The following SDK2 variants were observed in gnomAD, a reference collection of about 807,000 sequenced individuals.
SDK2 encodes the protein protein sidekick-2.
Under a neutral mutation model 253.9 loss-of-function variants are expected in SDK2, and 105 were observed. The observed-to-expected ratio is 0.41, with a 90% CI of 0.35 to 0.49. The LOEUF (loss-of-function observed/expected upper bound fraction) is 0.49, where lower values mean the gene tolerates loss of function less well. Among genes scored for constraint, SDK2 ranks in the 20% least tolerant of loss-of-function variants. The pLI is 0.06. For missense variants in SDK2, 2,608 were observed against 3,003.0 expected, an observed-to-expected ratio of 0.87 and a Z score of 3.07; for synonymous variants, 1,249 against 1,234.9, an observed-to-expected ratio of 1.01 and a Z score of -0.24.
chr17:73,598,290 C>T (rs756204993), intron 1 of SDK2, among the ~76,000 whole-genome samples: 3 of 152,148 alleles, frequency 2.0e-5, no homozygotes, highest in Non-Finnish European at 2.9e-5. Flanking sequence ...AGTTCCTAGA[C>T]GCTAACCCCC....
chr17:73,471,597 C>CAAAACA lies in SDK2; in HGVS notation c.331+509_331+514dup, dbSNP rs1282895053. ...TGGATGACAGAGTGAGACTCCAACT[C>CAAAACA]AAAACAAAAACAAAAACAAAATAAA... is the stretch of plus-strand genomic sequence containing the variant. On this transcript the variant is annotated intron_variant, in intron 3 of 44. Coordinates refer to ENST00000392650, the MANE Select transcript of SDK2 (RefSeq NM_001144952.2). 6.6e-5 allele frequency among the ~76,000 whole-genome samples: 10 copies of CAAAACA among 152,016 alleles called. 1 individual carries two copies. Among genetic ancestry groups the CAAAACA allele is most frequent in the African/African-American group, 1.4e-4 (6 of 41,392 alleles).
At position 73,541,508 on chromosome 17, in the gene SDK2, C is replaced by G. The variant is rs1305481038; in HGVS notation, c.65-33911G>C. ...GGGCAATACCGCACCACCCCCATTT[C>G]ACAGACAAGGACCCCGAGATAGGTA... On this transcript the variant is annotated intron_variant, in intron 1 of 44. Transcript: ENST00000392650. The surrounding 1 kb of genome is among the most constrained non-coding windows in gnomAD (Gnocchi z 4.3). Among the ~76,000 whole-genome samples the G allele has an allele frequency of 6.6e-6, 1 of 152,076 alleles. No individual in the cohort carries two copies. The highest frequency in any genetic ancestry group is 1.5e-5 in the Non-Finnish European group (1 of 68,006).
chr17:73,412,888 A>C (rs2063151117), intron 18 of SDK2, among the ~76,000 whole-genome samples: 1 of 152,212 alleles, frequency 6.6e-6, no homozygotes, highest in Non-Finnish European at 1.5e-5. Flanking sequence ...GGACACAGAC[A>C]CAGAGTGAAG....
chr17:73,447,273 C>T lies in SDK2; in HGVS notation c.613+342G>A, dbSNP rs1244801140. Among the ~76,000 whole-genome samples, 1 of 152,090 alleles carries T rather than the reference C, an allele frequency of 6.6e-6. No homozygotes were observed. Among genetic ancestry groups the T allele is most frequent in the East Asian group, 1.9e-4 (1 of 5,168 alleles). ...TGCCCTCCTGGTCAGCATCTGAGCC[C>T]CGATAGTGGCTGCAACTCACACATG... On this transcript the variant is annotated intron_variant, in intron 5 of 44. Coordinates refer to ENST00000392650, the MANE Select transcript of SDK2 (RefSeq NM_001144952.2). The surrounding 1 kb of genome is among the most constrained non-coding windows in gnomAD (Gnocchi z 4.0).
At chr17:73,413,596 C>T (rs2063156717) in intron 18 of SDK2, among the ~76,000 whole-genome samples, 1 of 152,112 alleles carries the variant, frequency 6.6e-6, no homozygotes, top group African/African-American at 2.4e-5. Context: ...ATTTCTACGA[C>T]CACTAAAATC....
At chr17:73,548,305 C>T (rs1391614210) in intron 1 of SDK2, among the ~76,000 whole-genome samples, 1 of 152,196 alleles carries the variant, frequency 6.6e-6, no homozygotes. Context: ...TCTAGTGCTG[C>T]AGCTGTTGGG....
intron 2 of SDK2, among the ~76,000 whole-genome samples, chr17:73,500,265 T>C (rs374998969): frequency 7.4e-6 from 1 of 135,976 alleles, no homozygotes; most frequent in African/African-American, 2.8e-5. Context: ...CCTCCTTCCA[T>C]CTCCTCCATC....
chr17:73,600,585 C>A (rs1419889816), intron 1 of SDK2, among the ~76,000 whole-genome samples: 1 of 152,088 alleles, frequency 6.6e-6, no homozygotes, highest in East Asian at 1.9e-4. Flanking sequence ...CCGATGGTGC[C>A]AGCAGACAGT....
At chr17:73,406,697 C>T (rs1362065664) in intron 18 of SDK2, among the ~76,000 whole-genome samples, 1 of 152,064 alleles carries the variant, frequency 6.6e-6, no homozygotes, top group Non-Finnish European at 1.5e-5. Flanking sequence ...TGTAAATATT[C>T]AACGTAATTA....
chr17:73,435,610 G>T lies in SDK2; in HGVS notation c.1035C>A (p.Asp345Glu). ...ACTTCTCCACCTCCACCACGGCTGC[G>T]TCCTTGTACCAGGTGATGGAGGGCG... ...VPPPSITWYK[D>E]AAVVEVEKLT... The change falls in exon 9 of 45, where the codon GAC becomes GAA. Residue 345 changes from aspartate (D) to glutamate (E), a missense_variant. Asp to Glu is a conservative substitution (Grantham distance 45). Coordinates refer to ENST00000392650, the MANE Select transcript of SDK2 (RefSeq NM_001144952.2). This position sits in a 1 kb window ranked among gnomAD's most constrained non-coding sequence, Gnocchi z 5.7. 1 of 1,574,602 alleles carries T rather than the reference G, an allele frequency of 6.4e-7. No homozygotes were observed.
chr17:73,628,528 C>A (rs1247517943), intron 1 of SDK2, among the ~76,000 whole-genome samples: 1 of 152,212 alleles, frequency 6.6e-6, no homozygotes, highest in Non-Finnish European at 1.5e-5. Flanking sequence ...AGCTCCTGAT[C>A]CGGGAGCTGA....
In SDK2 at chr17:73,336,519, C is replaced by T. The variant is rs542646583; in HGVS notation, c.*2068G>A. On this transcript the variant is annotated 3_prime_UTR_variant, in exon 45 of 45. Coordinates refer to ENST00000392650, the MANE Select transcript of SDK2 (RefSeq NM_001144952.2). ...TGTCTGCTGAGCCATCTTCCAGCATCTCCCCGTTCACATTTCCCAGGGGTC... is the reference window on the plus strand; with the variant it reads ...TGTCTGCTGAGCCATCTTCCAGCATTTCCCCGTTCACATTTCCCAGGGGTC... The T allele has an allele frequency of 5.2e-5, 8 of 152,772 alleles. No individual in the cohort carries two copies. Among genetic ancestry groups the T allele is most frequent in the African/African-American group, 1.9e-4 (8 of 41,564 alleles). 9.5% of individuals were successfully genotyped at this position (152,772 alleles called of 1,614,324 possible). A position where few individuals can be genotyped will look rare whatever the true frequency, so the allele number is the denominator to read the frequency against.
Position 73,437,762 on chromosome 17 carries a change from A to G in SDK2, c.977T>C (p.Val326Ala), listed in dbSNP as rs753144034. The G allele has an allele frequency of 6.2e-7, 1 of 1,613,884 alleles. No individual in the cohort carries two copies. Among genetic ancestry groups the G allele is most frequent in the Non-Finnish European group, 8.5e-7 (1 of 1,179,898 alleles). The change falls in exon 8 of 45, where the codon GTG becomes GCG. Residue 326 changes from valine to alanine, a missense_variant. Val to Ala is a moderately conservative substitution (Grantham distance 64). Coordinates refer to ENST00000392650, the MANE Select transcript of SDK2 (RefSeq NM_001144952.2). ...RHITAEMEKV[V>A]DIPCQAKGVP... The stretch of plus-strand genomic sequence containing the variant: ...ACCTTTGGCCTGACAGGGGATGTCC[A>G]CCACCTTCTCCATCTCCGCAGTGAT...
intron 1 of SDK2, among the ~76,000 whole-genome samples, chr17:73,547,196 A>C (rs2044979654): frequency 6.6e-6 from 1 of 152,244 alleles, no homozygotes; most frequent in Non-Finnish European, 1.5e-5. Context: ...GGCATGTTGC[A>C]AGGCTCTAAG....
chr17:73,386,654 CAGGGTGCCAGCCTA>C, intron 30 of SDK2, 106 bp from the exon 31 acceptor site: 1 of 754,642 alleles, frequency 1.3e-6, no homozygotes, highest in Non-Finnish European at 2.3e-6. Flanking sequence ...GGAAAGGGGG[CAGGGTGCCAGCCTA>C]CTACACAGAA....
At chr17:73,550,629 C>T (rs1407821343) in intron 1 of SDK2, among the ~76,000 whole-genome samples, 1 of 152,170 alleles carries the variant, frequency 6.6e-6, no homozygotes, top group Non-Finnish European at 1.5e-5. Flanking sequence ...ACGTCTCTTC[C>T]TGGGATGTTA....
At position 73,503,815 on chromosome 17, in the gene SDK2, T is replaced by C. The variant is rs536751719; in HGVS notation, c.224+3623A>G. On this transcript the variant is annotated intron_variant, in intron 2 of 44. Coordinates refer to ENST00000392650, the MANE Select transcript of SDK2 (RefSeq NM_001144952.2). ...GCCCACCACGACTGGTCAGGGATGG[T>C]CTGAGCTGGGCCAATCAGAATCCTT... Among the ~76,000 whole-genome samples the C allele has an allele frequency of 1.1e-4, 16 of 152,298 alleles. No homozygotes were observed. In the East Asian group the frequency reaches 3.1e-3, roughly 29 times the overall value.
intron 1 of SDK2, among the ~76,000 whole-genome samples, chr17:73,530,776 G>A (rs1414771118): frequency 6.6e-6 from 1 of 152,192 alleles, no homozygotes; most frequent in Non-Finnish European, 1.5e-5. Context: ...TTAATTTTCA[G>A]AAGGGAATCA....
At chr17:73,420,656 G>C (rs953002272) in intron 15 of SDK2, among the ~76,000 whole-genome samples, 3 of 151,136 alleles carry the variant, frequency 2.0e-5, no homozygotes, top group Non-Finnish European at 1.5e-5. Context: ...GTAGAGGCTG[G>C]GGTAAGGGTG....
Sources: gnomAD v4.1 joint callset for allele counts (sites outside exome capture counted in the v4.1 genomes callset) on GRCh38, gnomAD v4.1.1 for gene constraint, Gnocchi (gnomAD v3.1) non-coding constraint, MANE v1.5 for transcripts, NCBI Gene and HGNC (gene_info 2026-07-23, HGNC 2026-07-21) for gene names.